NUP93: variants seen among roughly 807,000 people sequenced by gnomAD.
NUP93 encodes nucleoporin 93.
A neutral mutation model predicts 107.8 loss-of-function variants in NUP93; 55 were observed. That is an observed-to-expected ratio of 0.51 (90% CI 0.41 to 0.64). The LOEUF (loss-of-function observed/expected upper bound fraction) is 0.64. Ranked by LOEUF, NUP93 falls within the 30% of genes least tolerant of loss-of-function variation. The pLI is 0.00. For missense variants in NUP93, 937 were observed against 1,044.7 expected (o/e 0.90, Z 1.42); for synonymous variants, 390 against 397.5 (o/e 0.98, Z 0.22).
chr16:56,754,418 C>T lies in NUP93; in HGVS notation c.180-4120C>T, dbSNP rs144553441. ...GTCTTAACTCATTCTAGCATTAACT[C>T]AAAAGTCCAAGTCCAAAGTCTTATC... is the stretch of plus-strand genomic sequence containing the variant. On this transcript the variant is annotated intron_variant, in intron 2 of 21. Transcript: ENST00000308159. Among the ~76,000 whole-genome samples the T allele has an allele frequency of 3.3e-5, 5 of 152,312 alleles. No homozygotes were observed. In the East Asian group the frequency reaches 9.6e-4, roughly 29 times the overall value.
intron 3 of NUP93, among the ~76,000 whole-genome samples, chr16:56,786,431 C>T (rs1940431928): frequency 6.6e-6 from 1 of 152,238 alleles, no homozygotes; most frequent in Admixed American, 6.5e-5. Flanking sequence ...CTGCATCTGA[C>T]TCCATTTCTT....
chr16:56,732,887 C>T (rs1961556404), intron 1 of NUP93, among the ~76,000 whole-genome samples: 1 of 152,156 alleles, frequency 6.6e-6, no homozygotes, highest in Non-Finnish European at 1.5e-5. Context: ...GTGGACCTTA[C>T]CCTATAGGAA....
intron 21 of NUP93, chr16:56,842,666 C>T: frequency 4.5e-6 from 2 of 448,870 alleles, no homozygotes; most frequent in South Asian, 3.2e-5. Context: ...CACCCTCCCA[C>T]CTCACCCTCC....
rs1418818581 is a variant in NUP93, at chr16:56,823,851, G to A, written c.794+5G>A. On this transcript the variant is annotated splice_donor_5th_base_variant and intron_variant, in intron 8 of 21. Transcript: ENST00000308159. ...CTTGGCGTACCTTGAGCAGAGGTAA[G>A]GCAGCAGTAGCACAGTGGGGCTGGC... The A allele has an allele frequency of 6.2e-7, 1 of 1,613,298 alleles. No individual in the cohort carries two copies. The highest frequency in any genetic ancestry group is 8.5e-7 in the Non-Finnish European group (1 of 1,179,836).
intron 1 of NUP93, among the ~76,000 whole-genome samples, chr16:56,739,043 G>T (rs1315931029): frequency 1.3e-5 from 2 of 149,098 alleles, no homozygotes; most frequent in African/African-American, 5.0e-5. Context: ...TAAGGTCACA[G>T]ATCAACAGGA....
intron 15 of NUP93, 61 bp from the exon 16 acceptor site, chr16:56,834,673 A>G (rs1963874483): frequency 6.9e-7 from 1 of 1,457,456 alleles, no homozygotes; most frequent in Admixed American, 1.8e-5. Context: ...TTCTCTGAAG[A>G]CTTATGGAAT....
chr16:56,844,364 C>T (rs1308910959), intron 21 of NUP93, 135 bp from the exon 22 acceptor site: 6 of 427,192 alleles, frequency 1.4e-5, no homozygotes, highest in East Asian at 3.5e-5. Context: ...GACTGTCATC[C>T]ACCCATCAGG....
chr16:56,785,491 G>A (rs1289604852), intron 3 of NUP93, among the ~76,000 whole-genome samples: 1 of 152,184 alleles, frequency 6.6e-6, no homozygotes, highest in East Asian at 1.9e-4. Context: ...TAGCCTGGCT[G>A]ATAGTGAAGA....
At chr16:56,807,944 C>T (rs2144578494) in intron 5 of NUP93, among the ~76,000 whole-genome samples, 1 of 150,778 alleles carries the variant, frequency 6.6e-6, no homozygotes, top group Admixed American at 6.6e-5. Context: ...ATCACTTGAA[C>T]CAGGGGAGTC....
chr16:56,829,927 CAA>C (rs1963745841), intron 9 of NUP93, among the ~76,000 whole-genome samples: 1 of 152,202 alleles, frequency 6.6e-6, no homozygotes, highest in East Asian at 1.9e-4. Flanking sequence ...TGAAGAAAAG[CAA>C]AGACAGAAGC....
Position 56,841,776 on chromosome 16 carries a change from G to A in NUP93, c.2292G>A (p.Lys764=). 1 of 1,614,208 alleles carries A rather than the reference G, an allele frequency of 6.2e-7. No individual in the cohort carries two copies. Among genetic ancestry groups the A allele is most frequent in the Non-Finnish European group, 8.5e-7 (1 of 1,180,032 alleles). ...TGTTCACACAGTTTAAGAGGCTCAA[G>A]GGGACAAGTCCATCCTCGTCATCCA... is the stretch of plus-strand genomic sequence containing the variant. ...NILFTQFKRL[K]GTSPSSSSRP... Residue 764 remains lysine (K), a synonymous_variant, in exon 21 of 22, where the codon AAG becomes AAA. Coordinates refer to ENST00000308159, the MANE Select transcript of NUP93 (RefSeq NM_014669.5).
At chr16:56,823,262 A>G (rs1248911753) in intron 7 of NUP93, among the ~76,000 whole-genome samples, 1 of 152,212 alleles carries the variant, frequency 6.6e-6, no homozygotes, top group Non-Finnish European at 1.5e-5. Flanking sequence ...CTGTATTATT[A>G]TGTTAAAGTC....
intron 3 of NUP93, among the ~76,000 whole-genome samples, chr16:56,793,850 C>T (rs879723086): frequency 4.6e-5 from 7 of 151,970 alleles, no homozygotes; most frequent in African/African-American, 1.2e-4. Flanking sequence ...GTCAGGAGTT[C>T]GCGACCAGCC....
rs760689874 is a variant in NUP93, at chr16:56,829,094, C to G, written c.912C>G (p.Pro304=). 7 of 1,612,976 alleles carry G rather than the reference C, an allele frequency of 4.3e-6. No individual in the cohort carries two copies. The South Asian group carries it at 7.7e-5, about 18-fold the overall frequency. The change falls in exon 9 of 22, where the codon CCC becomes CCG. Residue 304 remains proline, a synonymous_variant. Transcript: ENST00000308159. ...TCCTGAACATTAAACTGCCAGCTCC[C>G]TTGCCTGGACTACAGGTACTGACAA... ...RSFLNIKLPA[P]LPGLQDGEVE...
intron 2 of NUP93, among the ~76,000 whole-genome samples, chr16:56,753,170 A>G (rs1465867596): frequency 6.6e-6 from 1 of 152,230 alleles, no homozygotes; most frequent in East Asian, 1.9e-4. Flanking sequence ...GTTTCTTGGA[A>G]TGGAAGTATT....
intron 19 of NUP93, 124 bp from the exon 20 acceptor site, chr16:56,839,397 C>T: frequency 1.5e-6 from 1 of 659,572 alleles, no homozygotes; most frequent in African/African-American, 1.8e-5. Flanking sequence ...TTTGTGTGTA[C>T]AAGGAGGAAT....
intron 8 of NUP93, among the ~76,000 whole-genome samples, chr16:56,826,765 C>T (rs184683872): frequency 6.8e-4 from 103 of 151,516 alleles, no homozygotes; most frequent in Middle Eastern, 3.4e-3. Flanking sequence ...TTCATTGAGT[C>T]GGCTGGGTGC....
At chr16:56,814,539 T>C (rs1963380807) in intron 5 of NUP93, among the ~76,000 whole-genome samples, 1 of 152,146 alleles carries the variant, frequency 6.6e-6, no homozygotes. Context: ...GGAAAAGAGT[T>C]TTATGCATCC....
At chr16:56,790,629 G>A (rs112946475) in intron 3 of NUP93, among the ~76,000 whole-genome samples, 20 of 152,254 alleles carry the variant, frequency 1.3e-4, no homozygotes, top group African/African-American at 4.1e-4. Context: ...TTTAGAAGAG[G>A]TCATTCATTT....
Sources: gnomAD v4.1 joint callset for allele counts (sites outside exome capture counted in the v4.1 genomes callset) on GRCh38, gnomAD v4.1.1 for gene constraint, MANE v1.5 for transcripts, NCBI Gene and HGNC (gene_info 2026-07-23, HGNC 2026-07-21) for gene names.